The following KCNN2 variants were observed in gnomAD, a reference collection of about 807,000 sequenced individuals.
KCNN2 encodes the protein potassium calcium-activated channel subfamily N member 2.
A neutral mutation model predicts 55.5 loss-of-function variants in KCNN2; 24 were observed. The observed-to-expected ratio is 0.43, with a 90% CI of 0.31 to 0.61. The LOEUF (loss-of-function observed/expected upper bound fraction) is 0.61. Among genes scored for constraint, KCNN2 ranks in the 20% least tolerant of loss-of-function variants. KCNN2 has a pLI of 0.08. For synonymous variants in KCNN2, 431 were observed against 336.1 expected, an observed-to-expected ratio of 1.28 and a Z score of -3.09; for missense variants, 754 against 853.6, an observed-to-expected ratio of 0.88 and a Z score of 1.45.
At chr5:114,447,093 A>G (rs954318590) in intron 3 of KCNN2, among the ~76,000 whole-genome samples, 1 of 152,188 alleles carries the variant, frequency 6.6e-6, no homozygotes, top group Non-Finnish European at 1.5e-5. Flanking sequence ...GCTGTAGTGC[A>G]GCTCCTATTT....
chr5:114,103,717 T>G (rs1751420668), intron 1 of KCNN2, among the ~76,000 whole-genome samples: 1 of 151,542 alleles, frequency 6.6e-6, no homozygotes, highest in Admixed American at 6.6e-5. Context: ...GTTTATGTGA[T>G]GGATTACGTT....
chr5:114,374,810 A>G (rs1340920610), intron 2 of KCNN2, among the ~76,000 whole-genome samples: 2 of 152,204 alleles, frequency 1.3e-5, no homozygotes, highest in African/African-American at 2.4e-5. Flanking sequence ...TTCTACATCA[A>G]TAATGTGTCC....
intron 3 of KCNN2, among the ~76,000 whole-genome samples, chr5:114,414,316 A>C (rs1372976475): frequency 6.6e-6 from 1 of 152,194 alleles, no homozygotes; most frequent in East Asian, 1.9e-4. Context: ...CTTGCTTACT[A>C]TTATGAGAAT....
At chr5:114,489,030 A>T (rs1747715971) in intron 6 of KCNN2, 1 of 152,116 alleles carries the variant, frequency 6.6e-6, no homozygotes, top group Non-Finnish European at 1.5e-5. Flanking sequence ...TGTCAGTCAG[A>T]CCTATCAAAT....
intron 2 of KCNN2, among the ~76,000 whole-genome samples, chr5:114,270,455 G>A (rs573415595): frequency 6.6e-6 from 1 of 152,066 alleles, no homozygotes; most frequent in Non-Finnish European, 1.5e-5. Flanking sequence ...GAGCTGAAAT[G>A]CAAGAATATG....
intron 1 of KCNN2, among the ~76,000 whole-genome samples, chr5:114,129,529 T>C (rs1246639044): frequency 6.6e-6 from 1 of 152,194 alleles, no homozygotes. Flanking sequence ...CCTTCTTCCA[T>C]CCTAATCATA....
At chr5:114,107,215 C>A (rs1751505816) in intron 1 of KCNN2, among the ~76,000 whole-genome samples, 1 of 152,052 alleles carries the variant, frequency 6.6e-6, no homozygotes, top group South Asian at 2.1e-4. Flanking sequence ...ATGTTTGAGG[C>A]TACTTTAGAG....
chr5:114,281,878 G>C (rs1343520144), intron 2 of KCNN2, among the ~76,000 whole-genome samples: 3 of 150,636 alleles, frequency 2.0e-5, no homozygotes, highest in Admixed American at 6.6e-5. Flanking sequence ...TTTTTTCTAG[G>C]GTCTATTAAT....
intron 1 of KCNN2, among the ~76,000 whole-genome samples, chr5:114,074,614 C>G (rs1750649659): frequency 6.6e-6 from 1 of 152,178 alleles, no homozygotes; most frequent in Non-Finnish European, 1.5e-5. Flanking sequence ...TCAGCCCCTC[C>G]ACTCTGCTCC....
chr5:114,296,133 T>A (rs1408531629), intron 2 of KCNN2, among the ~76,000 whole-genome samples: 3 of 152,222 alleles, frequency 2.0e-5, no homozygotes, highest in Non-Finnish European at 2.9e-5. Flanking sequence ...AGAGCTCTTG[T>A]TTAATGATTT....
intron 3 of KCNN2, among the ~76,000 whole-genome samples, chr5:114,413,262 CTTGTT>C (rs1002000419): frequency 2.0e-5 from 3 of 152,168 alleles, no homozygotes; most frequent in Non-Finnish European, 2.9e-5. Context: ...AGATATGCTT[CTTGTT>C]TTGTTTTGTT....
At chr5:114,375,954 A>ATATATATATATATATAT (rs1375256208) in intron 2 of KCNN2, among the ~76,000 whole-genome samples, 14 of 59,152 alleles carry the variant, frequency 2.4e-4, no homozygotes, top group South Asian at 1.0e-3. Flanking sequence ...CTCACAGTGT[A>ATATATATATATATATAT]TATATATATA....
intron 1 of KCNN2, among the ~76,000 whole-genome samples, chr5:114,095,223 G>A (rs1287363151): frequency 6.6e-6 from 1 of 152,084 alleles, no homozygotes; most frequent in African/African-American, 2.4e-5. Flanking sequence ...GTGTTTCAGG[G>A]AGAGAGAGGA....
rs571316606 is a variant in KCNN2, at chr5:114,240,628, G to A, written c.-185+19063G>A. Among the ~76,000 whole-genome samples the A allele has an allele frequency of 3.4e-4, 52 of 151,942 alleles. No homozygotes were observed. In the South Asian group the frequency reaches 8.7e-3, roughly 26 times the overall value. Reference sequence around the variant, plus strand: ...TGTATTTTTAGTAAAGACGGGTTTCGCCATGTTGCCCAGGCTGGTCTTGAA... The same window carrying A: ...TGTATTTTTAGTAAAGACGGGTTTCACCATGTTGCCCAGGCTGGTCTTGAA... On this transcript the variant is annotated intron_variant, in intron 2 of 10. Coordinates refer to the KCNN2 transcript ENST00000512097.
At position 114,362,421 on chromosome 5, in the gene KCNN2, G is replaced by C. The variant is rs1013675472; in HGVS notation, c.282G>C (p.Ser94=). The C allele has an allele frequency of 9.4e-6, 3 of 320,510 alleles. No homozygotes were observed. Among genetic ancestry groups the C allele is most frequent in the Non-Finnish European group, 1.7e-5 (3 of 175,268 alleles). 19.9% of individuals were successfully genotyped at this position (320,510 alleles called of 1,614,324 possible). A position where few individuals can be genotyped will look rare whatever the true frequency, so the allele number is the denominator to read the frequency against. The part of the protein sequence containing the change: ...DNLSLLLRTS[S]PGGAFRTRTS... Reference sequence around the variant, plus strand: ...TGTCCCTGCTGCTCCGCACCTCCTCGCCCGGCGGCGCCTTCCGGACCCGCA... The same window carrying C: ...TGTCCCTGCTGCTCCGCACCTCCTCCCCCGGCGGCGCCTTCCGGACCCGCA... The change falls in exon 1 of 8, where the codon TCG becomes TCC. Residue 94 remains serine (S), a synonymous_variant. Coordinates refer to ENST00000673685, the MANE Select transcript of KCNN2 (RefSeq NM_021614.4).
Position 114,362,813 on chromosome 5 carries a change from C to T in KCNN2, c.674C>T (p.Pro225Leu), listed in dbSNP as rs1211833036. Reference sequence around the variant, plus strand: ...AGGTACAACGGGGGCGTCATGCGGCCGCTCAGCAACTTGAGCGCGTCCCGC... The same window carrying T: ...AGGTACAACGGGGGCGTCATGCGGCTGCTCAGCAACTTGAGCGCGTCCCGC... ...SCRYNGGVMR[P>L]LSNLSASRRN... The change falls in exon 1 of 8, where the codon CCG becomes CTG. Residue 225 changes from proline to leucine, a missense_variant. Physicochemically the swap from Pro to Leu is moderately conservative, Grantham distance 98. Transcript: ENST00000673685. 3.8e-6 allele frequency: 6 copies of T among 1,598,138 alleles called. No homozygotes were observed. The highest frequency in any genetic ancestry group is 2.2e-5 in the East Asian group (1 of 44,730).
At chr5:114,254,019 A>G (rs1754932562) in intron 2 of KCNN2, among the ~76,000 whole-genome samples, 1 of 152,136 alleles carries the variant, frequency 6.6e-6, no homozygotes. Context: ...AAATATGCTC[A>G]GCAAGATAAA....
chr5:114,493,436 G>T lies in KCNN2; in HGVS notation c.2052G>T (p.Leu684=). The T allele has an allele frequency of 6.2e-7, 1 of 1,610,260 alleles. No homozygotes were observed. Among genetic ancestry groups the T allele is most frequent in the East Asian group, 2.2e-5 (1 of 44,804 alleles). The change falls in exon 7 of 8, where the codon CTG becomes CTT. Residue 684 remains leucine, a synonymous_variant. Coordinates refer to ENST00000673685, the MANE Select transcript of KCNN2 (RefSeq NM_021614.4). ...GTGTAAAAATGGAGCAGAGGAAACT[G>T]AATGACCAAGCAAACACTTTGGTGG... ...LRSVKMEQRK[L]NDQANTLVDL... is the part of the protein sequence containing the mutation.
chr5:114,461,508 G>A (rs920928901), intron 3 of KCNN2, among the ~76,000 whole-genome samples: 4 of 152,058 alleles, frequency 2.6e-5, no homozygotes, highest in Non-Finnish European at 5.9e-5. Flanking sequence ...ACTCCAGCCC[G>A]GAGCCTGTTT....
Sources: allele counts gnomAD v4.1 joint callset (sites outside exome capture counted in the v4.1 genomes callset), GRCh38; gene constraint gnomAD v4.1.1; transcripts MANE v1.5; gene names NCBI Gene and HGNC (gene_info 2026-07-23, HGNC 2026-07-21).